The following PAK1 variants were observed in gnomAD, a reference collection of about 807,000 sequenced individuals.
The protein encoded by PAK1 is serine/threonine-protein kinase PAK 1.
In PAK1, 29 loss-of-function variants were observed where a neutral mutation model predicts 67.4. That is an observed-to-expected ratio of 0.43 (90% CI 0.32 to 0.59). The LOEUF is 0.59. PAK1 is among the 20% of genes least tolerant of loss of function. The pLI is 0.07. For synonymous variants in PAK1, 223 were observed against 237.4 expected (o/e 0.94, Z 0.56); for missense variants, 337 against 670.7 (o/e 0.50, Z 5.50).
chr11:77,414,510 A>G (rs927564740), intron 1 of PAK1, among the ~76,000 whole-genome samples: 3 of 152,244 alleles, frequency 2.0e-5, no homozygotes, highest in Non-Finnish European at 4.4e-5. Flanking sequence ...ACTTGCTATA[A>G]AGCTACAGTG....
chr11:77,390,012 A>G (rs1381718846), intron 2 of PAK1, among the ~76,000 whole-genome samples: 1 of 152,250 alleles, frequency 6.6e-6, no homozygotes, highest in African/African-American at 2.4e-5. Context: ...TTGATAAGAT[A>G]CAATATTAAA....
intron 1 of PAK1, among the ~76,000 whole-genome samples, chr11:77,405,692 C>A (rs925430158): frequency 1.3e-5 from 2 of 151,440 alleles, no homozygotes; most frequent in African/African-American, 4.9e-5. Flanking sequence ...CACACACACA[C>A]ACACACACAC....
chr11:77,481,413 A>C, the PAK1 span, among the ~76,000 whole-genome samples: 2 of 152,160 alleles, frequency 1.3e-5, no homozygotes, highest in African/African-American at 4.8e-5. Context: ...ACGGTGGCTC[A>C]TGCCTGTAAT....
At chr11:77,351,816 C>CT (rs1029999037) in intron 8 of PAK1, among the ~76,000 whole-genome samples, 1 of 151,468 alleles carries the variant, frequency 6.6e-6, no homozygotes, top group African/African-American at 2.4e-5. Flanking sequence ...CACTGAGAGC[C>CT]AGACATTTTT....
At chr11:77,357,434 A>G (rs1467499775) in intron 6 of PAK1, among the ~76,000 whole-genome samples, 1 of 152,164 alleles carries the variant, frequency 6.6e-6, no homozygotes, top group Non-Finnish European at 1.5e-5. Flanking sequence ...CTGTAGACAA[A>G]CTATATCCCA....
intron 1 of PAK1, among the ~76,000 whole-genome samples, chr11:77,409,541 G>A (rs914891115): frequency 1.3e-5 from 2 of 151,882 alleles, no homozygotes; most frequent in Non-Finnish European, 2.9e-5. Context: ...ATGAAAATGT[G>A]TATATACACA....
chr11:77,500,665 C>A, the PAK1 span, among the ~76,000 whole-genome samples: 1 of 151,802 alleles, frequency 6.6e-6, no homozygotes, highest in South Asian at 2.1e-4. Context: ...GGGCAACACA[C>A]TGAGACTTGT....
At chr11:77,433,089 G>A (rs756636835) in intron 1 of PAK1, among the ~76,000 whole-genome samples, 9 of 152,248 alleles carry the variant, frequency 5.9e-5, no homozygotes, top group Non-Finnish European at 8.8e-5. Context: ...ACAATGCAAC[G>A]AAGAAAGAAT....
intron 1 of PAK1, among the ~76,000 whole-genome samples, chr11:77,448,074 C>T (rs3019258): frequency 0.7 from 106,685 of 152,144 alleles, 38,269 homozygotes; most frequent in African/African-American, 0.85. Flanking sequence ...TAGTTCCAAA[C>T]ACAACTCAAG....
chr11:77,349,167 C>T (rs1241869305), intron 9 of PAK1, 72 bp downstream of exon 9: 4 of 977,926 alleles, frequency 4.1e-6, no homozygotes, highest in African/African-American at 1.7e-5. Context: ...GTTGACCTAA[C>T]AAGGGCTAAA....
intron 14 of PAK1, among the ~76,000 whole-genome samples, chr11:77,328,882 G>T (rs1023914696): frequency 6.6e-6 from 1 of 151,942 alleles, no homozygotes; most frequent in African/African-American, 2.4e-5. Context: ...TTGATAGACC[G>T]CTAGCAAGAC....
chr11:77,463,148 T>C (rs1006447650), intron 1 of PAK1, among the ~76,000 whole-genome samples: 4 of 151,822 alleles, frequency 2.6e-5, no homozygotes, highest in Admixed American at 6.6e-5. Context: ...CAAGTAAGAG[T>C]ATAGTTTCAT....
the PAK1 span, among the ~76,000 whole-genome samples, chr11:77,518,161 T>C: frequency 0.012 from 1,899 of 152,340 alleles, 27 homozygotes; most frequent in Non-Finnish European, 0.018. Flanking sequence ...CTAAATTCCT[T>C]GGTATTCAAG....
upstream of PAK1, among the ~76,000 whole-genome samples, chr11:77,477,331 T>C (rs991631389): frequency 6.6e-6 from 1 of 152,190 alleles, no homozygotes; most frequent in Non-Finnish European, 1.5e-5. Flanking sequence ...CTGTGGCATA[T>C]TTCTGGTCAC....
At chr11:77,323,912 A>G in intron 14 of PAK1, among the ~76,000 whole-genome samples, 1 of 152,152 alleles carries the variant, frequency 6.6e-6, no homozygotes. Flanking sequence ...ACCTCTGGGG[A>G]AGGTATTAAT....
the PAK1 span, among the ~76,000 whole-genome samples, chr11:77,526,989 GT>G: frequency 3.3e-5 from 5 of 152,032 alleles, no homozygotes; most frequent in Admixed American, 3.3e-4. Flanking sequence ...GGGGAGTGTG[GT>G]GAGGGGAAAT....
chr11:77,447,487 T>C (rs987030365), intron 1 of PAK1, among the ~76,000 whole-genome samples: 3 of 152,088 alleles, frequency 2.0e-5, no homozygotes, highest in African/African-American at 7.2e-5. Context: ...GAACAGAACA[T>C]GTCCAAAGGT....
intron 14 of PAK1, chr11:77,325,352 A>T: frequency 2.5e-6 from 4 of 1,613,782 alleles, no homozygotes; most frequent in Non-Finnish European, 2.5e-6. Flanking sequence ...AAGTTACTAA[A>T]CACTTGAAAC....
At chr11:77,353,222 G>C in intron 8 of PAK1, 1 of 281,760 alleles carries the variant, frequency 3.5e-6, no homozygotes, top group South Asian at 6.2e-5. Flanking sequence ...CTCAGCACTA[G>C]GACAAACAGG....
Sources: allele counts gnomAD v4.1 joint callset (sites outside exome capture counted in the v4.1 genomes callset), GRCh38; gene constraint gnomAD v4.1.1; transcripts MANE v1.5; gene names NCBI Gene and HGNC (gene_info 2026-07-23, HGNC 2026-07-21).